GDPD1: variants seen among roughly 807,000 people sequenced by gnomAD.
The protein encoded by GDPD1 is glycerophosphodiester phosphodiesterase domain containing 1.
A neutral mutation model predicts 45.1 loss-of-function variants in GDPD1; 28 were observed. The ratio of observed to expected loss-of-function variants is 0.62; its 90% CI spans 0.46 to 0.85. The LOEUF (loss-of-function observed/expected upper bound fraction) is 0.85. GDPD1 is among the 40% of genes least tolerant of loss of function. The pLI, the probability that GDPD1 is intolerant of heterozygous loss-of-function variation, is 0.00. For missense variants in GDPD1, 256 were observed against 364.8 expected (o/e 0.70, Z 2.43); for synonymous variants, 139 against 131.4 (o/e 1.06, Z -0.40).
chr17:59,220,827 C>A, intron 1 of GDPD1, 76 bp downstream of exon 1: 2 of 1,515,424 alleles, frequency 1.3e-6, no homozygotes, highest in South Asian at 1.2e-5. Context: ...AAAAGGCAGC[C>A]GGGTGCCAAT....
intron 5 of GDPD1, 106 bp from the exon 6 acceptor site, chr17:59,257,645 T>G: frequency 1.4e-6 from 1 of 699,814 alleles, no homozygotes; most frequent in Non-Finnish European, 2.5e-6. Context: ...CCAAAAGTTA[T>G]GCTATTCATT....
chr17:59,244,565 TC>T (rs2047197314), intron 2 of GDPD1, among the ~76,000 whole-genome samples: 1 of 152,130 alleles, frequency 6.6e-6, no homozygotes, highest in South Asian at 2.1e-4. Context: ...ACTCCTGACC[TC>T]AGGTGATCTG....
intron 7 of GDPD1, among the ~76,000 whole-genome samples, chr17:59,268,902 C>A (rs2047421958): frequency 1.3e-5 from 2 of 151,684 alleles, no homozygotes; most frequent in African/African-American, 4.8e-5. Flanking sequence ...ATTAGCCAGG[C>A]TCGCCTGAAC....
chr17:59,268,530 G>C (rs1184100979), intron 7 of GDPD1, among the ~76,000 whole-genome samples: 1 of 130,760 alleles, frequency 7.6e-6, no homozygotes, highest in Non-Finnish European at 1.5e-5. Flanking sequence ...AGTGAGCGGA[G>C]ATTGCGCCAC....
chr17:59,234,474 T>G lies in GDPD1; in HGVS notation c.143-18T>G. 1 of 1,491,668 alleles carries G rather than the reference T, an allele frequency of 6.7e-7. No individual in the cohort carries two copies. Among genetic ancestry groups the G allele is most frequent in the East Asian group, 2.3e-5 (1 of 44,184 alleles). 92.4% of individuals were successfully genotyped at this position (1,491,668 alleles called of 1,614,324 possible). A position where few individuals can be genotyped will look rare whatever the true frequency, so the allele number is the denominator to read the frequency against. On this transcript the variant is annotated intron_variant, in intron 1 of 9. Coordinates refer to ENST00000284116, the MANE Select transcript of GDPD1 (RefSeq NM_182569.4). ...TTAAAATGTTCAAAATAAGTAAATATAGTTTAAATTTTCACAGGTGCTGGA... is the reference window on the plus strand; with the variant it reads ...TTAAAATGTTCAAAATAAGTAAATAGAGTTTAAATTTTCACAGGTGCTGGA...
At chr17:59,232,566 T>C (rs1232322500) in intron 1 of GDPD1, among the ~76,000 whole-genome samples, 1 of 152,096 alleles carries the variant, frequency 6.6e-6, no homozygotes, top group African/African-American at 2.4e-5. Context: ...ATAGCCAAAA[T>C]GGTTCTGAAT....
chr17:59,256,074 T>C (rs1400892287), intron 4 of GDPD1, among the ~76,000 whole-genome samples: 1 of 151,320 alleles, frequency 6.6e-6, no homozygotes, highest in Non-Finnish European at 1.5e-5. Context: ...ATCCCAGCAC[T>C]TCGGGAGGCC....
chr17:59,244,593 A>G (rs7220824), intron 2 of GDPD1, among the ~76,000 whole-genome samples: 67,125 of 151,952 alleles, frequency 0.44, 16,602 homozygotes, highest in African/African-American at 0.68. Flanking sequence ...TTTGCCTCCC[A>G]TAGTGCTGGG....
chr17:59,261,157 G>A (rs2047352591), intron 6 of GDPD1, among the ~76,000 whole-genome samples: 1 of 152,110 alleles, frequency 6.6e-6, no homozygotes, highest in African/African-American at 2.4e-5. Context: ...GTAGAGATGG[G>A]GTTTCGCCAT....
chr17:59,253,215 G>A (rs1271542189), intron 4 of GDPD1, among the ~76,000 whole-genome samples: 4 of 152,024 alleles, frequency 2.6e-5, no homozygotes, highest in Non-Finnish European at 2.9e-5. Context: ...CATACTCCTT[G>A]TCTATCTTTC....
chr17:59,224,869 A>G (rs960373052), intron 1 of GDPD1, among the ~76,000 whole-genome samples: 1 of 152,090 alleles, frequency 6.6e-6, no homozygotes, highest in African/African-American at 2.4e-5. Context: ...TTGATGCCAT[A>G]TCAAAGAAGA....
At chr17:59,222,634 C>G (rs2047015427) in intron 1 of GDPD1, among the ~76,000 whole-genome samples, 1 of 150,924 alleles carries the variant, frequency 6.6e-6, no homozygotes, top group Non-Finnish European at 1.5e-5. Context: ...CCTGCCTCAG[C>G]CTCCCGAGTA....
chr17:59,246,287 T>C (rs1161547438), intron 3 of GDPD1, among the ~76,000 whole-genome samples: 1 of 152,002 alleles, frequency 6.6e-6, no homozygotes, highest in African/African-American at 2.4e-5. Context: ...ATTCTCACTG[T>C]GCATCATGTA....
chr17:59,275,398 T>C lies in GDPD1; in HGVS notation c.*1625T>C. On this transcript the variant is annotated 3_prime_UTR_variant, in exon 10 of 10. Coordinates refer to ENST00000284116, the MANE Select transcript of GDPD1 (RefSeq NM_182569.4). ...TTAATGGAACATTCTATTTGAGACC[T>C]TTTTCAGGTGTGTAGCAATTCTACC... 9.1e-6 allele frequency: 4 copies of C among 441,598 alleles called. No individual in the cohort carries two copies. The highest frequency in any genetic ancestry group is 1.6e-5 in the Non-Finnish European group (4 of 242,848). The allele number at this position is 441,598 out of a possible 1,614,324, so 27.4% of individuals were successfully genotyped here.
In GDPD1 at chr17:59,248,733, T is replaced by C. The variant is rs1439523652; in HGVS notation, c.322-7T>C. The C allele has an allele frequency of 6.3e-7, 1 of 1,592,354 alleles. No individual in the cohort carries two copies. The highest frequency in any genetic ancestry group is 1.3e-5 in the African/African-American group (1 of 74,202). ...TTAACTTTTTTTTCAATCATATCTT[T>C]TTAAAGGAGCTCCCACCTTACCTTG... On this transcript the variant is annotated splice_polypyrimidine_tract_variant and splice_region_variant and intron_variant, in intron 3 of 9. Coordinates refer to ENST00000284116, the MANE Select transcript of GDPD1 (RefSeq NM_182569.4).
chr17:59,239,759 A>G (rs907001266), intron 2 of GDPD1, among the ~76,000 whole-genome samples: 9 of 124,652 alleles, frequency 7.2e-5, no homozygotes, highest in Admixed American at 6.2e-4. Context: ...GGTAATATGT[A>G]TAGTTTTTTT....
chr17:59,245,274 A>C (rs1386185940), intron 2 of GDPD1, 140 bp from the exon 3 acceptor site: 14 of 548,566 alleles, frequency 2.6e-5, no homozygotes, highest in African/African-American at 1.7e-4. Context: ...CATATTAATA[A>C]GTCATACTAA....
intron 4 of GDPD1, among the ~76,000 whole-genome samples, chr17:59,256,161 A>G (rs1367556536): frequency 1.3e-5 from 2 of 151,892 alleles, no homozygotes; most frequent in Non-Finnish European, 2.9e-5. Flanking sequence ...TACAAAAACT[A>G]CAAAAAAATT....
chr17:59,263,204 A>C (rs1490734931), intron 6 of GDPD1, among the ~76,000 whole-genome samples: 1 of 151,646 alleles, frequency 6.6e-6, no homozygotes, highest in Non-Finnish European at 1.5e-5. Flanking sequence ...GCTAATTTTG[A>C]AATTTTTTGT....
Sources: allele counts gnomAD v4.1 joint callset (sites outside exome capture counted in the v4.1 genomes callset), GRCh38; gene constraint gnomAD v4.1.1; transcripts MANE v1.5; gene names NCBI Gene and HGNC (gene_info 2026-07-23, HGNC 2026-07-21).